Variants in SH2B2 observed in about 807,000 individuals in gnomAD.
The protein encoded by SH2B2 is SH2B adaptor protein 2, also known as SH2B adapter protein 2.
SH2B2 carries 37 observed loss-of-function variants against 35.7 expected under a neutral mutation model. That is an observed-to-expected ratio of 1.04 (90% CI 0.80 to 1.36). The LOEUF (loss-of-function observed/expected upper bound fraction) is 1.36, where lower values mean the gene tolerates loss of function less well. Among genes scored for constraint, SH2B2 ranks in the 40% most tolerant of loss-of-function variants. The pLI, the probability that SH2B2 is intolerant of heterozygous loss-of-function variation, is 0.00. For missense variants in SH2B2, 852 were observed against 817.7 expected, an observed-to-expected ratio of 1.04 and a Z score of -0.51; for synonymous variants, 383 against 376.4, an observed-to-expected ratio of 1.02 and a Z score of -0.20.
chr7:102,286,704 G>C (rs112460620), upstream of SH2B2, among the ~76,000 whole-genome samples: 2 of 150,362 alleles, frequency 1.3e-5, no homozygotes, highest in Non-Finnish European at 3.0e-5. Context: ...CCGGCCACCG[G>C]CGCCGCTCGG....
chr7:102,300,585 C>CCCCGGTCCCAGTCCCGGT lies in SH2B2; in HGVS notation c.45_62dup (p.Val16_Pro21dup). ...GCCGGCCCTGGCCCCGCCGCAGCCGCCCCGGTCCCAGTCCCGGTCCCGGTC... is the reference window on the plus strand; with the variant it reads ...GCCGGCCCTGGCCCCGCCGCAGCCGCCCCGGTCCCAGTCCCGGTCCCGGTCCCAGTCCCGGTCCCGGTC... On this transcript the variant is annotated inframe_insertion, in exon 2 of 9. Transcript: ENST00000444095. The CCCCGGTCCCAGTCCCGGT allele has an allele frequency of 1.9e-6, 3 of 1,550,210 alleles. No individual in the cohort carries two copies. Among genetic ancestry groups the CCCCGGTCCCAGTCCCGGT allele is most frequent in the South Asian group, 2.4e-5 (2 of 84,278 alleles).
In SH2B2 at chr7:102,297,004, G is replaced by T. The variant is rs1443121817; in HGVS notation, c.-29-3518G>T. ...AAAAAAAAACAAAAAACAAAAAAACGCTTGGTTCTTATCCACAGCTTTGCT... is the reference window on the plus strand; with the variant it reads ...AAAAAAAAACAAAAAACAAAAAAACTCTTGGTTCTTATCCACAGCTTTGCT... On this transcript the variant is annotated intron_variant, in intron 1 of 8. Transcript: ENST00000444095. This position sits in a 1 kb window ranked among gnomAD's most constrained non-coding sequence, Gnocchi z 4.3. Among the ~76,000 whole-genome samples, 1 of 151,974 alleles carries T rather than the reference G, an allele frequency of 6.6e-6. No homozygotes were observed. Among genetic ancestry groups the T allele is most frequent in the Admixed American group, 6.6e-5 (1 of 15,244 alleles).
Position 102,300,792 on chromosome 7 carries a change from T to C in SH2B2, c.242T>C (p.Leu81Pro). ...DVFGEEVRRV[L>P]VAGPTTRGAA... Reference sequence around the variant, plus strand: ...TTCGGCGAGGAGGTGCGCCGCGTGCTGGTGGCTGGGCCGACGACTCGGGGC... The same window carrying C: ...TTCGGCGAGGAGGTGCGCCGCGTGCCGGTGGCTGGGCCGACGACTCGGGGC... The change falls in exon 2 of 9, where the codon CTG becomes CCG. Residue 81 changes from leucine (L) to proline (P), a missense_variant. Physicochemically the swap from Leu to Pro is moderately conservative, Grantham distance 98. Around this residue, in one of 3 missense-constraint regions of SH2B2, gnomAD observed 294 missense variants for 286.6 expected, o/e 1.03. Transcript: ENST00000444095. 6.6e-7 allele frequency: 1 copy of C among 1,510,882 alleles called. No individual in the cohort carries two copies. Among genetic ancestry groups the C allele is most frequent in the Non-Finnish European group, 8.9e-7 (1 of 1,124,594 alleles). The allele number at this position is 1,510,882 out of a possible 1,614,324, so 93.6% of individuals were successfully genotyped here.
In SH2B2 at chr7:102,321,402, T is replaced by C; in HGVS notation, c.1671T>C (p.Pro557=). The C allele has an allele frequency of 7.3e-7, 1 of 1,366,592 alleles. No individual in the cohort carries two copies. Among genetic ancestry groups the C allele is most frequent in the South Asian group, 1.6e-5 (1 of 63,074 alleles). 84.7% of individuals were successfully genotyped at this position (1,366,592 alleles called of 1,614,324 possible). ...GCCTCGCCGCGGCCGCCTGCCCGCC[T>C]GCCTCGCCCTCCGACGCCGCCGGCG... ...FSSLAAAACP[P]ASPSDAAGAS... Residue 557 remains proline, a synonymous_variant, in exon 9 of 9, where the codon CCT becomes CCC. Coordinates refer to ENST00000444095, the MANE Select transcript of SH2B2 (RefSeq NM_001359228.2).
chr7:102,298,544 G>A (rs1356269443), intron 1 of SH2B2, among the ~76,000 whole-genome samples: 2 of 152,160 alleles, frequency 1.3e-5, no homozygotes, highest in East Asian at 3.9e-4. Context: ...CTCCTGAGTA[G>A]CTAGGACTAT....
At chr7:102,313,495 C>T (rs976704904) in intron 4 of SH2B2, among the ~76,000 whole-genome samples, 7 of 152,192 alleles carry the variant, frequency 4.6e-5, no homozygotes, top group Admixed American at 2.0e-4. Context: ...CTATGTTGCC[C>T]GAGCTGATCT....
chr7:102,303,626 G>A (rs782660316), intron 2 of SH2B2, among the ~76,000 whole-genome samples: 3 of 152,104 alleles, frequency 2.0e-5, no homozygotes, highest in Non-Finnish European at 4.4e-5. Context: ...TCCTGCCCAG[G>A]CCCCTGCCTT....
intron 3 of SH2B2, 93 bp downstream of exon 3, chr7:102,306,915 G>C: frequency 2.0e-6 from 2 of 1,024,976 alleles, no homozygotes; most frequent in Non-Finnish European, 3.0e-6. Flanking sequence ...CGAGGGGAAG[G>C]AGCCTAAGGC....
rs1461816914 is a variant in SH2B2 at position 102,297,424 on chromosome 7, C to CAG, written c.-29-3097_-29-3096insGA. ...ACACACACACACACACACACACACA[C>CAG]ACACACGCAGTATACAGAGGTTCAG... is the stretch of plus-strand genomic sequence containing the variant. On this transcript the variant is annotated intron_variant, in intron 1 of 8. Coordinates refer to ENST00000444095, the MANE Select transcript of SH2B2 (RefSeq NM_001359228.2). This position sits in a 1 kb window ranked among gnomAD's most constrained non-coding sequence, Gnocchi z 4.3. Among the ~76,000 whole-genome samples the CAG allele has an allele frequency of 6.6e-6, 1 of 151,898 alleles. No homozygotes were observed. The highest frequency in any genetic ancestry group is 2.4e-5 in the African/African-American group (1 of 41,302).
chr7:102,321,016 CGTGTGCTT>C (rs1221524965), intron 8 of SH2B2, among the ~76,000 whole-genome samples: 2 of 147,068 alleles, frequency 1.4e-5, no homozygotes, highest in African/African-American at 5.5e-5. Flanking sequence ...CATGGGCACG[CGTGTGCTT>C]GTGTGCCTGT....
chr7:102,300,893 T>C lies in SH2B2; in HGVS notation c.343T>C (p.Ser115Pro), dbSNP rs1554553603. The C allele has an allele frequency of 6.8e-7, 1 of 1,468,236 alleles. No homozygotes were observed. The highest frequency in any genetic ancestry group is 2.6e-5 in the Admixed American group (1 of 38,490). The allele number at this position is 1,468,236 out of a possible 1,614,324, so 91.0% of individuals were successfully genotyped here. A position where few individuals can be genotyped will look rare whatever the true frequency, so the allele number is the denominator to read the frequency against. ...SALKAAPYGH[S>P]RSSEDVSTHA... The stretch of plus-strand genomic sequence containing the variant: ...ACTCAAGGCGGCGCCCTACGGCCAC[T>C]CGCGGAGCTCGGAGGACGTGTCCAC... The change falls in exon 2 of 9, where the codon TCG (serine) becomes CCG (proline). Residue 115 changes from serine (S) to proline (P), a missense_variant. This residue lies in a region of SH2B2 where 294 missense variants were observed against 286.6 expected (regional missense o/e 1.03). Transcript: ENST00000444095.
intron 3 of SH2B2, 65 bp downstream of exon 3, chr7:102,306,887 T>C (rs1793422848): frequency 7.9e-7 from 1 of 1,265,800 alleles, no homozygotes. Context: ...CTTTAGGTGC[T>C]ACAGCTCCCT....
At chr7:102,303,680 T>C (rs1335568062) in intron 2 of SH2B2, among the ~76,000 whole-genome samples, 1 of 152,092 alleles carries the variant, frequency 6.6e-6, no homozygotes, top group Non-Finnish European at 1.5e-5. Flanking sequence ...CCGACTCCAC[T>C]CCTTGTCAGA....
chr7:102,292,664 C>CA (rs1792719808), intron 1 of SH2B2, among the ~76,000 whole-genome samples: 2 of 150,402 alleles, frequency 1.3e-5, no homozygotes, highest in African/African-American at 4.9e-5. Flanking sequence ...AAGTGCAGTG[C>CA]ACTGCACCCC....
Position 102,321,706 on chromosome 7 carries a change from A to G in SH2B2, c.*76A>G. The G allele has an allele frequency of 9.6e-7, 1 of 1,040,238 alleles. No homozygotes were observed. 64.4% of individuals were successfully genotyped at this position (1,040,238 alleles called of 1,614,324 possible). On this transcript the variant is annotated 3_prime_UTR_variant, in exon 9 of 9. Transcript: ENST00000444095. ...ATGTTATTAAAAGCCTGTTTTAGGG[A>G]CTGCACCCGGCTCTCCTGTCGTCCT...
intron 1 of SH2B2, among the ~76,000 whole-genome samples, chr7:102,292,007 A>G (rs1792691684): frequency 6.6e-6 from 1 of 152,042 alleles, no homozygotes; most frequent in African/African-American, 2.4e-5. Context: ...GAAGGAGCCT[A>G]TGTTGTCCAG....
intron 7 of SH2B2, among the ~76,000 whole-genome samples, chr7:102,319,381 C>T (rs980774382): frequency 2.0e-5 from 3 of 152,176 alleles, no homozygotes; most frequent in African/African-American, 7.2e-5. Flanking sequence ...CGCCACCCCG[C>T]TCCAGGGATT....
At chr7:102,314,082 C>T (rs1182321040) in intron 4 of SH2B2, among the ~76,000 whole-genome samples, 2 of 152,058 alleles carry the variant, frequency 1.3e-5, no homozygotes, top group South Asian at 2.1e-4. Flanking sequence ...CTTTTTTGTT[C>T]GAGGCTGCTG....
chr7:102,300,461 GGGACA>G (rs1793100818), intron 1 of SH2B2, 56 bp from the exon 2 acceptor site: 1 of 1,463,086 alleles, frequency 6.8e-7, no homozygotes, highest in African/African-American at 1.4e-5. Context: ...CTGGAAGGAG[GGGACA>G]GGTGGGCGCA....
Sources: allele counts gnomAD v4.1 joint callset (sites outside exome capture counted in the v4.1 genomes callset), GRCh38; gene constraint gnomAD v4.1.1; regional missense constraint gnomAD v4.1.1; non-coding constraint Gnocchi (gnomAD v3.1); transcripts MANE v1.5; gene names NCBI Gene and HGNC (gene_info 2026-07-23, HGNC 2026-07-21).